The following VANGL1 variants were observed in gnomAD, a reference collection of about 807,000 sequenced individuals.
VANGL1 encodes the protein vang-like protein 1.
In VANGL1, 18 loss-of-function variants were observed where a neutral mutation model predicts 48.4. The observed-to-expected ratio is 0.37, with a 90% CI of 0.26 to 0.55. VANGL1 has a LOEUF of 0.55. Ranked by LOEUF, VANGL1 falls within the 20% of genes least tolerant of loss-of-function variation. The probability of loss-of-function intolerance (pLI) is 0.81; values close to 1 mark genes in which losing one functional copy is unlikely to be tolerated. For synonymous variants in VANGL1, 257 were observed against 261.8 expected (o/e 0.98, Z 0.18); for missense variants, 667 against 675.8 (o/e 0.99, Z 0.14).
rs748789126 is a variant in VANGL1, at chr1:115,663,989, A to G, written c.533A>G (p.Asp178Gly). The change falls in exon 4 of 8, where the codon GAC becomes GGC. Residue 178 changes from aspartate (D) to glycine (G), a missense_variant. Coordinates refer to ENST00000355485, the MANE Select transcript of VANGL1 (RefSeq NM_138959.3). ...CTTTTTTTCCGCAAGCGGAGAGCTG[A>G]CATGCCACGGGTGTTTGTGTTTCGT... ...WALFFRKRRA[D>G]MPRVFVFRAL... is the part of the protein sequence containing the mutation. 5.0e-6 allele frequency: 8 copies of G among 1,614,172 alleles called. No homozygotes were observed. Among genetic ancestry groups the G allele is most frequent in the Non-Finnish European group, 6.8e-6 (8 of 1,180,038 alleles).
Position 115,691,424 on chromosome 1 carries a change from T to G in VANGL1, c.*45T>G, listed in dbSNP as rs376792729. 88 of 1,567,308 alleles carry G rather than the reference T, an allele frequency of 5.6e-5. No individual in the cohort carries two copies. In the African/African-American group the frequency reaches 5.9e-4, roughly 10 times the overall value. On this transcript the variant is annotated 3_prime_UTR_variant, in exon 8 of 8. Transcript: ENST00000355485. ...TTATTAAAAAAAAAAGAAAAATATA[T>G]AGAGAGATATATATCTATGCCAGAG... is the stretch of plus-strand genomic sequence containing the variant.
At chr1:115,659,804 T>C in intron 3 of VANGL1, 31 bp downstream of exon 3, 1 of 1,612,664 alleles carries the variant, frequency 6.2e-7, no homozygotes, top group Non-Finnish European at 8.5e-7. Context: ...GTAAGCACAC[T>C]GCCACTTGGC....
chr1:115,676,336 C>T (rs893889390), intron 4 of VANGL1, among the ~76,000 whole-genome samples: 1 of 152,074 alleles, frequency 6.6e-6, no homozygotes, highest in South Asian at 2.1e-4. Context: ...AGTAGCATAA[C>T]TTTGTGGCCC....
intron 4 of VANGL1, among the ~76,000 whole-genome samples, chr1:115,665,880 T>G (rs1652760645): frequency 6.6e-6 from 1 of 152,176 alleles, no homozygotes; most frequent in Admixed American, 6.5e-5. Flanking sequence ...GCTGGCTGCC[T>G]TCAGAGCTCT....
intron 1 of VANGL1, among the ~76,000 whole-genome samples, chr1:115,649,575 G>A (rs868325069): frequency 3.9e-5 from 6 of 152,224 alleles, no homozygotes; most frequent in Non-Finnish European, 5.9e-5. Context: ...AGTGACTTTC[G>A]TTTACCTAGC....
chr1:115,683,588 G>A (rs1036610984), intron 5 of VANGL1, among the ~76,000 whole-genome samples: 5 of 152,160 alleles, frequency 3.3e-5, no homozygotes, highest in African/African-American at 7.2e-5. Flanking sequence ...TGTCCCAGCC[G>A]CCCTTATGGC....
rs1652175006 is a variant in VANGL1, at chr1:115,652,123, TC to T, written c.71+641del. ...TTCACCTGAAGTTGTTGACTCATTG[TC>T]CATTATGCCTTTGTCATGAGGCTTA... is the stretch of plus-strand genomic sequence containing the variant. On this transcript the variant is annotated intron_variant, in intron 2 of 7. Transcript: ENST00000355485. 2.6e-5 allele frequency among the ~76,000 whole-genome samples: 4 copies of T among 152,248 alleles called. No homozygotes were observed. The South Asian group carries it at 8.3e-4, about 32-fold the overall frequency.
rs761123443 is a variant in VANGL1, at chr1:115,663,998, G to A, written c.542G>A (p.Arg181Gln). ...CGCAAGCGGAGAGCTGACATGCCAC[G>A]GGTGTTTGTGTTTCGTGCCCTTTTG... ...FFRKRRADMPRVFVFRALLLV... is the reference protein window; with the variant it reads ...FFRKRRADMPQVFVFRALLLV... Residue 181 changes from arginine to glutamine, a missense_variant, in exon 4 of 8, where the codon CGG becomes CAG. Coordinates refer to ENST00000355485, the MANE Select transcript of VANGL1 (RefSeq NM_138959.3). 42 of 1,614,084 alleles carry A rather than the reference G, an allele frequency of 2.6e-5. No individual in the cohort carries two copies. The highest frequency in any genetic ancestry group is 1.5e-4 in the Admixed American group (9 of 60,002).
intron 2 of VANGL1, among the ~76,000 whole-genome samples, chr1:115,653,855 G>C (rs1247733860): frequency 6.6e-6 from 1 of 152,190 alleles, no homozygotes; most frequent in Non-Finnish European, 1.5e-5. Context: ...GAAAAGCTCT[G>C]AGAGAGGAGA....
intron 3 of VANGL1, among the ~76,000 whole-genome samples, chr1:115,663,078 C>A (rs1228524183): frequency 4.6e-5 from 7 of 152,276 alleles, no homozygotes; most frequent in Non-Finnish European, 1.0e-4. Flanking sequence ...AGCCACCGCG[C>A]CCCAGTCCAT....
intron 1 of VANGL1, among the ~76,000 whole-genome samples, chr1:115,647,388 G>A (rs1651979491): frequency 1.3e-5 from 2 of 152,202 alleles, no homozygotes; most frequent in Admixed American, 6.5e-5. Flanking sequence ...TTAATTTCTT[G>A]TGTATGCAAG....
chr1:115,695,087 C>T lies in VANGL1; in HGVS notation c.*3708C>T, dbSNP rs1368816704. 6.6e-6 allele frequency: 1 copy of T among 152,166 alleles called. No individual in the cohort carries two copies. Among genetic ancestry groups the T allele is most frequent in the Non-Finnish European group, 1.5e-5 (1 of 68,026 alleles). The allele number at this position is 152,166 out of a possible 1,614,324, so 9.4% of individuals were successfully genotyped here. ...GTCTTCTGGGGAGCCTGCTGTCCTG[C>T]AGGCAAGTCCATTAAACTCTTTCTT... is the stretch of plus-strand genomic sequence containing the variant. On this transcript the variant is annotated 3_prime_UTR_variant, in exon 8 of 8. Transcript: ENST00000355485.
chr1:115,659,539 G>A (rs938985876), intron 2 of VANGL1, 102 bp from the exon 3 acceptor site: 32 of 1,266,728 alleles, frequency 2.5e-5, no homozygotes, highest in South Asian at 4.9e-5. Context: ...GTGTGTGTGT[G>A]TATGTAGAAT....
Position 115,682,447 on chromosome 1 carries a change from A to G in VANGL1, c.896A>G (p.Lys299Arg). The change falls in exon 5 of 8, where the codon AAA becomes AGA. Residue 299 changes from lysine to arginine, a missense_variant. Physicochemically the swap from Lys to Arg is conservative, Grantham distance 26. Transcript: ENST00000355485. ...IYNPNLLTAS[K>R]FRAAKHMAGL... ...AACCCAAACCTCCTAACAGCCTCCA[A>G]ATTCCGAGCAGCCAAGCATATGGCC... 1 of 1,614,192 alleles carries G rather than the reference A, an allele frequency of 6.2e-7. No individual in the cohort carries two copies. The highest frequency in any genetic ancestry group is 8.5e-7 in the Non-Finnish European group (1 of 1,180,040).
intron 3 of VANGL1, among the ~76,000 whole-genome samples, chr1:115,661,162 C>T (rs1423868142): frequency 2.6e-5 from 4 of 152,192 alleles, no homozygotes; most frequent in South Asian, 2.1e-4. Flanking sequence ...CTTGAGCAGT[C>T]ACAGCCTTTG....
At chr1:115,678,910 C>A (rs59788048) in intron 4 of VANGL1, among the ~76,000 whole-genome samples, 54,784 of 150,172 alleles carry the variant, frequency 0.36, 10,067 homozygotes, top group Admixed American at 0.41. Flanking sequence ...GCCGAGATTG[C>A]GCCACTGCAC....
chr1:115,660,997 G>A (rs1159262059), intron 3 of VANGL1, among the ~76,000 whole-genome samples: 2 of 152,176 alleles, frequency 1.3e-5, no homozygotes, highest in Non-Finnish European at 1.5e-5. Context: ...AGAGGTGCCA[G>A]TGGCCTACAG....
intron 3 of VANGL1, among the ~76,000 whole-genome samples, chr1:115,662,588 A>G (rs1652600829): frequency 6.6e-6 from 1 of 152,240 alleles, no homozygotes; most frequent in South Asian, 2.1e-4. Context: ...AAAGTAAAAG[A>G]TAACATTTTA....
At chr1:115,667,431 C>T (rs191903831) in intron 4 of VANGL1, among the ~76,000 whole-genome samples, 81 of 152,338 alleles carry the variant, frequency 5.3e-4, no homozygotes, top group African/African-American at 1.8e-3. Context: ...TTCCTAACCT[C>T]TGCCCAGTGC....
Sources: allele counts gnomAD v4.1 joint callset (sites outside exome capture counted in the v4.1 genomes callset), GRCh38; gene constraint gnomAD v4.1.1; transcripts MANE v1.5; gene names NCBI Gene and HGNC (gene_info 2026-07-23, HGNC 2026-07-21).